The following KLK2 variants were observed in gnomAD, a reference collection of about 807,000 sequenced individuals.
KLK2 encodes the protein kallikrein related peptidase 2.
A neutral mutation model predicts 23.0 loss-of-function variants in KLK2; 17 were observed. That is an observed-to-expected ratio of 0.74 (90% CI 0.51 to 1.11). KLK2 has a LOEUF of 1.11. KLK2 is among the 50% of genes least tolerant of loss of function. The pLI is 0.00. For missense variants in KLK2, 330 were observed against 325.9 expected (o/e 1.01, Z -0.10); for synonymous variants, 140 against 124.7 (o/e 1.12, Z -0.82).
At chr19:50,874,602 T>G (rs1337662461) in intron 1 of KLK2, 119 bp from the exon 2 acceptor site, 2 of 758,758 alleles carry the variant, frequency 2.6e-6, no homozygotes, top group African/African-American at 3.5e-5. Context: ...CCCTTGCTTG[T>G]GTCCTGGACT....
chr19:50,874,658 C>T lies in KLK2; in HGVS notation c.47-63C>T, dbSNP rs889731217. Reference sequence around the variant, plus strand: ...CCCATGTCTCTTCAAACCCACAGCTCAGCTCCCTCCCCTATCCAATTCTTT... The same window carrying T: ...CCCATGTCTCTTCAAACCCACAGCTTAGCTCCCTCCCCTATCCAATTCTTT... On this transcript the variant is annotated intron_variant, in intron 1 of 4. Coordinates refer to ENST00000325321, the MANE Select transcript of KLK2 (RefSeq NM_005551.5). The T allele has an allele frequency of 8.7e-6, 13 of 1,497,056 alleles. No individual in the cohort carries two copies. In the Admixed American group the frequency reaches 2.2e-4, roughly 26 times the overall value. The allele number at this position is 1,497,056 out of a possible 1,614,324, so 92.7% of individuals were successfully genotyped here.
intron 2 of KLK2, chr19:50,876,270 A>T: frequency 1.7e-6 from 1 of 584,792 alleles, no homozygotes; most frequent in Non-Finnish European, 3.0e-6. Context: ...CGTTTCTTTC[A>T]GTTTCTGTCT....
rs889746612 is a variant in KLK2, at chr19:50,879,264, A to T, written c.*705A>T. The stretch of plus-strand genomic sequence containing the variant: ...ATGGTTTGTTACATTGATAGGATAC[A>T]TACTGAAATCAGCAAACAAAACAGA... On this transcript the variant is annotated 3_prime_UTR_variant, in exon 5 of 5. Coordinates refer to ENST00000325321, the MANE Select transcript of KLK2 (RefSeq NM_005551.5). 4.3e-6 allele frequency: 1 copy of T among 232,740 alleles called. No homozygotes were observed. The highest frequency in any genetic ancestry group is 2.2e-5 in the African/African-American group (1 of 45,324). The allele number at this position is 232,740 out of a possible 1,614,324, so 14.4% of individuals were successfully genotyped here.
Position 50,878,812 on chromosome 19 carries a change from GTC to G in KLK2, c.*257_*258del, listed in dbSNP as rs2090315715. 1 of 403,886 alleles carries G rather than the reference GTC, an allele frequency of 2.5e-6. No individual in the cohort carries two copies. The highest frequency in any genetic ancestry group is 4.5e-6 in the Non-Finnish European group (1 of 221,776). The allele number at this position is 403,886 out of a possible 1,614,324, so 25.0% of individuals were successfully genotyped here. A position where few individuals can be genotyped will look rare whatever the true frequency, so the allele number is the denominator to read the frequency against. On this transcript the variant is annotated 3_prime_UTR_variant, in exon 5 of 5. Coordinates refer to ENST00000325321, the MANE Select transcript of KLK2 (RefSeq NM_005551.5). ...CGTCCTCTCCTTCGGAACACTGGCT[GTC>G]TCTGAAGACTTCTCGCTCAGTTTCA...
In KLK2 at chr19:50,880,403, T is replaced by C. The variant is rs2090332190; in HGVS notation, c.*1844T>C. On this transcript the variant is annotated 3_prime_UTR_variant, in exon 5 of 5. Coordinates refer to ENST00000325321, the MANE Select transcript of KLK2 (RefSeq NM_005551.5). ...TGAGACTGGCAGGTAGTGAAACTCA[T>C]TAGGCTGAGAACCTTGTGGAATGCA... 9.0e-6 allele frequency: 2 copies of C among 221,378 alleles called. No homozygotes were observed. Among genetic ancestry groups the C allele is most frequent in the East Asian group, 1.3e-4 (2 of 15,218 alleles). 13.7% of individuals were successfully genotyped at this position (221,378 alleles called of 1,614,324 possible). A position where few individuals can be genotyped will look rare whatever the true frequency, so the allele number is the denominator to read the frequency against.
chr19:50,877,268 C>T (rs764541735), intron 4 of KLK2: 78 of 551,126 alleles, frequency 1.4e-4, no homozygotes, highest in East Asian at 9.9e-4. Context: ...CCAGCATTGC[C>T]GTAGACCCTG....
chr19:50,874,626 C>T (rs756868230), intron 1 of KLK2, 95 bp from the exon 2 acceptor site: 31 of 1,029,464 alleles, frequency 3.0e-5, no homozygotes, highest in Non-Finnish European at 4.4e-5. Context: ...AGTCCTGGTC[C>T]TCTGCCCCCA....
At position 50,876,671 on chromosome 19, in the gene KLK2, G is replaced by A. The variant is rs2090291758; in HGVS notation, c.406G>A (p.Val136Met). ...LSEPAKITDV[V>M]KVLGLPTQEP... ...AGAGCCTGCCAAGATCACAGATGTT[G>A]TGAAGGTCCTGGGCCTGCCCACCCA... Residue 136 changes from valine to methionine, a missense_variant, in exon 3 of 5, where the codon GTG (valine) becomes ATG (methionine). Coordinates refer to ENST00000325321, the MANE Select transcript of KLK2 (RefSeq NM_005551.5). 1.2e-6 allele frequency: 2 copies of A among 1,614,206 alleles called. No homozygotes were observed. Among genetic ancestry groups the A allele is most frequent in the Non-Finnish European group, 1.7e-6 (2 of 1,180,038 alleles).
rs140195528 is a variant in KLK2 at position 50,874,590 on chromosome 19, A to T, written c.47-131A>T. The T allele has an allele frequency of 1.1e-3, 769 of 680,784 alleles. 9 individuals carry two copies. The East Asian group carries it at 0.016, about 14-fold the overall frequency. The allele number at this position is 680,784 out of a possible 1,614,324, so 42.2% of individuals were successfully genotyped here. On this transcript the variant is annotated intron_variant, in intron 1 of 4. Transcript: ENST00000325321. Reference sequence around the variant, plus strand: ...CTACAGAATTGCCAGCCCTCCCAGGACCCCTTGCTTGTGTCCTGGACTCCC... The same window carrying T: ...CTACAGAATTGCCAGCCCTCCCAGGTCCCCTTGCTTGTGTCCTGGACTCCC...
rs946424565 is a variant in KLK2, at chr19:50,880,510, A to T, written c.*1951A>T. 6 of 213,616 alleles carry T rather than the reference A, an allele frequency of 2.8e-5. No individual in the cohort carries two copies. The highest frequency in any genetic ancestry group is 1.1e-4 in the African/African-American group (5 of 44,158). 13.2% of individuals were successfully genotyped at this position (213,616 alleles called of 1,614,324 possible). ...GACATATCTGGCAAGATTTTGTGGC[A>T]CTCCTGGTTACAGATACTGGGGCAG... On this transcript the variant is annotated 3_prime_UTR_variant, in exon 5 of 5. Transcript: ENST00000325321.
chr19:50,876,458 C>CCCT lies in KLK2; in HGVS notation c.207-13_207-11dup. ...TTTTCTCTCTCCTCATGCATCCACC[C>CCCT]CCTTCCTCCCCAGGAATAGCCAGGT... On this transcript the variant is annotated splice_polypyrimidine_tract_variant and intron_variant, in intron 2 of 4. Transcript: ENST00000325321. The CCCT allele has an allele frequency of 6.2e-7, 1 of 1,613,480 alleles. No homozygotes were observed. The highest frequency in any genetic ancestry group is 8.5e-7 in the Non-Finnish European group (1 of 1,179,532).
rs2090312458 is a variant in KLK2, at chr19:50,878,515, C to T, written c.742C>T (p.His248Tyr). Residue 248 changes from histidine to tyrosine, a missense_variant, in exon 5 of 5, where the codon CAT becomes TAT. Physicochemically the swap from His to Tyr is moderately conservative, Grantham distance 83. Coordinates refer to ENST00000325321, the MANE Select transcript of KLK2 (RefSeq NM_005551.5). ...GCCTGCTGTGTACACCAAGGTGGTG[C>T]ATTACCGGAAGTGGATCAAGGACAC... is the stretch of plus-strand genomic sequence containing the variant. ...EKPAVYTKVV[H>Y]YRKWIKDTIA... The T allele has an allele frequency of 5.6e-6, 9 of 1,614,066 alleles. No individual in the cohort carries two copies. The highest frequency in any genetic ancestry group is 6.8e-6 in the Non-Finnish European group (8 of 1,179,948).
At position 50,878,568 on chromosome 19, in the gene KLK2, G is replaced by A. The variant is rs763103633; in HGVS notation, c.*9G>A. 1 of 1,608,676 alleles carries A rather than the reference G, an allele frequency of 6.2e-7. No homozygotes were observed. On this transcript the variant is annotated 3_prime_UTR_variant, in exon 5 of 5. Coordinates refer to ENST00000325321, the MANE Select transcript of KLK2 (RefSeq NM_005551.5). ...TCGCAGCCAACCCCTGAGTGCCCCT[G>A]TCCCACCCCTACCTCTAGTAAATTT... is the stretch of plus-strand genomic sequence containing the variant.
chr19:50,874,812 A>G lies in KLK2; in HGVS notation c.138A>G (p.Gly46=). ...QPWQVAVYSH[G]WAHCGGVLVH... ...GGCAGGTGGCTGTGTACAGTCATGGATGGGCACACTGTGGGGGTGTCCTGG... is the reference window on the plus strand; with the variant it reads ...GGCAGGTGGCTGTGTACAGTCATGGGTGGGCACACTGTGGGGGTGTCCTGG... Residue 46 remains glycine (G), a synonymous_variant, in exon 2 of 5, where the codon GGA becomes GGG. Transcript: ENST00000325321. 6.2e-7 allele frequency: 1 copy of G among 1,613,700 alleles called. No individual in the cohort carries two copies. The highest frequency in any genetic ancestry group is 8.5e-7 in the Non-Finnish European group (1 of 1,179,890).
intron 1 of KLK2, 157 bp downstream of exon 1, chr19:50,873,676 A>G: frequency 1.7e-6 from 1 of 586,264 alleles, no homozygotes; most frequent in South Asian, 2.1e-5. Flanking sequence ...CCTCATGCCC[A>G]CACTAGGTCC....
Position 50,874,709 on chromosome 19 carries a change from C to T in KLK2, c.47-12C>T. Reference sequence around the variant, plus strand: ...TGGGTCTGATCCCCCTGACCCAGCACCCCCTCCGCAGGTGCCGTGCCCCTC... The same window carrying T: ...TGGGTCTGATCCCCCTGACCCAGCATCCCCTCCGCAGGTGCCGTGCCCCTC... On this transcript the variant is annotated splice_polypyrimidine_tract_variant and intron_variant, in intron 1 of 4. Coordinates refer to ENST00000325321, the MANE Select transcript of KLK2 (RefSeq NM_005551.5). 6.2e-7 allele frequency: 1 copy of T among 1,603,528 alleles called. No individual in the cohort carries two copies. The highest frequency in any genetic ancestry group is 8.5e-7 in the Non-Finnish European group (1 of 1,175,198).
intron 2 of KLK2, 52 bp from the exon 3 acceptor site, chr19:50,876,420 C>G: frequency 6.4e-7 from 1 of 1,556,730 alleles, no homozygotes. Flanking sequence ...CCTGCCCCAT[C>G]TACCTTTCCC....
intron 4 of KLK2, chr19:50,877,275 C>A: frequency 1.9e-6 from 1 of 538,674 alleles, no homozygotes; most frequent in Non-Finnish European, 3.3e-6. Flanking sequence ...TGCCGTAGAC[C>A]CTGGGAAGCA....
In KLK2 at chr19:50,879,107, G is replaced by A; in HGVS notation, c.*548G>A. 4.3e-6 allele frequency: 1 copy of A among 233,256 alleles called. No homozygotes were observed. Among genetic ancestry groups the A allele is most frequent in the Non-Finnish European group, 8.5e-6 (1 of 118,090 alleles). The allele number at this position is 233,256 out of a possible 1,614,324, so 14.4% of individuals were successfully genotyped here. On this transcript the variant is annotated 3_prime_UTR_variant, in exon 5 of 5. Coordinates refer to ENST00000325321, the MANE Select transcript of KLK2 (RefSeq NM_005551.5). ...GGAGGATCCTCCTATGTTGTTGAAG[G>A]AGGGACTAGGGGGAGAAACTGAAAG...
Sources: allele counts gnomAD v4.1 joint callset, GRCh38; gene constraint gnomAD v4.1.1; transcripts MANE v1.5; gene names NCBI Gene and HGNC (gene_info 2026-07-23, HGNC 2026-07-21).